CREB5: variants seen among roughly 807,000 people sequenced by gnomAD.
CREB5 encodes cyclic AMP-responsive element-binding protein 5.
Under a neutral mutation model 57.1 loss-of-function variants are expected in CREB5, and 19 were observed. The observed-to-expected ratio is 0.33, with a 90% CI of 0.23 to 0.49. CREB5 has a LOEUF of 0.49. Among genes scored for constraint, CREB5 ranks in the 20% least tolerant of loss-of-function variants. CREB5 has a pLI of 0.99. For missense variants in CREB5, 579 were observed against 671.6 expected (o/e 0.86, Z 1.52); for synonymous variants, 238 against 238.3 (o/e 1.00, Z 0.01).
chr7:28,648,182 G>A (rs986700121), intron 5 of CREB5, among the ~76,000 whole-genome samples: 5 of 152,136 alleles, frequency 3.3e-5, no homozygotes, highest in Admixed American at 1.3e-4. Context: ...AGGGTATAGA[G>A]ACTGTCATTC....
At chr7:28,586,354 A>G (rs2128660709) in intron 5 of CREB5, among the ~76,000 whole-genome samples, 1 of 152,328 alleles carries the variant, frequency 6.6e-6, no homozygotes, top group South Asian at 2.1e-4. Flanking sequence ...GGAGGGGCCC[A>G]GGGTGTTCTT....
At chr7:28,414,343 A>C (rs1259158446) in intron 1 of CREB5, among the ~76,000 whole-genome samples, 1 of 151,874 alleles carries the variant, frequency 6.6e-6, no homozygotes, top group Non-Finnish European at 1.5e-5. Context: ...GATCTCAGTC[A>C]ATTCATTATC....
At chr7:28,606,698 A>G (rs947325557) in intron 5 of CREB5, among the ~76,000 whole-genome samples, 1 of 152,228 alleles carries the variant, frequency 6.6e-6, no homozygotes, top group African/African-American at 2.4e-5. Flanking sequence ...TACTCATACA[A>G]GATTGTCAGA....
intron 5 of CREB5, among the ~76,000 whole-genome samples, chr7:28,651,015 T>C (rs561435410): frequency 2.4e-4 from 36 of 152,236 alleles, no homozygotes; most frequent in African/African-American, 8.7e-4. Flanking sequence ...CAATCCAACA[T>C]TGGCAGTGGT....
Position 28,637,249 on chromosome 7 carries a change from A to G in CREB5, c.464+66712A>G, listed in dbSNP as rs574276147. Among the ~76,000 whole-genome samples the G allele has an allele frequency of 5.9e-5, 9 of 152,314 alleles. No homozygotes were observed. The East Asian group carries it at 1.7e-3, about 29-fold the overall frequency. On this transcript the variant is annotated intron_variant, in intron 5 of 10. Transcript: ENST00000357727. ...CATAATTCATATTATAATTCAAATT[A>G]TGTCTAGCTTCAGTAGTGAAGATAG...
intron 1 of CREB5, among the ~76,000 whole-genome samples, chr7:28,392,176 A>T (rs1408153157): frequency 6.6e-6 from 1 of 152,212 alleles, no homozygotes; most frequent in African/African-American, 2.4e-5. Context: ...GTTGGGTACT[A>T]GGCTTAGTAT....
Position 28,664,077 on chromosome 7 carries a change from A to G in CREB5, c.465-54676A>G, listed in dbSNP as rs193104327. ...TGCATTTCTAGCAAGTCCTTAGGTG[A>G]TGCTGATGCTGCTGGTCCCAGGACT... On this transcript the variant is annotated intron_variant, in intron 5 of 10. Coordinates refer to ENST00000357727, the MANE Select transcript of CREB5 (RefSeq NM_182898.4). 3.0e-4 allele frequency among the ~76,000 whole-genome samples: 46 copies of G among 152,364 alleles called. No homozygotes were observed. In the East Asian group the frequency reaches 8.3e-3, roughly 27 times the overall value.
At chr7:28,595,899 G>A (rs758581495) in intron 5 of CREB5, among the ~76,000 whole-genome samples, 6 of 152,124 alleles carry the variant, frequency 3.9e-5, no homozygotes, top group African/African-American at 4.8e-5. Flanking sequence ...TCTTAACCTC[G>A]GCAGACAGAT....
chr7:28,467,070 C>T (rs1790611728), intron 1 of CREB5, among the ~76,000 whole-genome samples: 1 of 152,176 alleles, frequency 6.6e-6, no homozygotes, highest in African/African-American at 2.4e-5. Context: ...AGAGGGGCTG[C>T]CTGTCAAGTG....
intron 1 of CREB5, among the ~76,000 whole-genome samples, chr7:28,438,029 C>T (rs1376903816): frequency 2.0e-5 from 3 of 152,044 alleles, no homozygotes; most frequent in Non-Finnish European, 2.9e-5. Context: ...CATTTGTGGT[C>T]GGGATGCATC....
rs190288205 is a variant in CREB5 at position 28,821,171 on chromosome 7, A to C, written c.*1892A>C. 130 of 148,136 alleles carry C rather than the reference A, an allele frequency of 8.8e-4. 1 individual carries two copies. Among genetic ancestry groups the C allele is most frequent in the African/African-American group, 3.1e-3 (123 of 39,806 alleles). The allele number at this position is 148,136 out of a possible 1,614,324, so 9.2% of individuals were successfully genotyped here. ...GTGTGTGTGTGTGTTCATGGGTTTT[A>C]AAAGAACAGTATTTTACAAAAGGTG... On this transcript the variant is annotated 3_prime_UTR_variant, in exon 11 of 11. Transcript: ENST00000357727.
intron 4 of CREB5, among the ~76,000 whole-genome samples, chr7:28,548,908 T>A (rs1430196246): frequency 2.0e-5 from 3 of 152,228 alleles, no homozygotes; most frequent in Non-Finnish European, 2.9e-5. Flanking sequence ...ACCATACTAT[T>A]CTGCTTATTA....
chr7:28,733,927 C>T (rs529662859), intron 7 of CREB5, among the ~76,000 whole-genome samples: 1 of 152,146 alleles, frequency 6.6e-6, no homozygotes, highest in Non-Finnish European at 1.5e-5. Context: ...TAATTTAATT[C>T]TACCATTTAA....
chr7:28,299,697 C>T (rs1785067125), intron 1 of CREB5, among the ~76,000 whole-genome samples: 1 of 152,178 alleles, frequency 6.6e-6, no homozygotes, highest in African/African-American at 2.4e-5. Context: ...TACCTGAAAA[C>T]CTTAGGAAGT....
intron 5 of CREB5, among the ~76,000 whole-genome samples, chr7:28,714,616 G>A (rs1026896530): frequency 1.1e-4 from 17 of 152,200 alleles, no homozygotes; most frequent in African/African-American, 3.9e-4. Context: ...ACATGAAATC[G>A]CTTGCTGCGG....
At chr7:28,430,282 C>A (rs1479044316) in intron 1 of CREB5, among the ~76,000 whole-genome samples, 1 of 152,184 alleles carries the variant, frequency 6.6e-6, no homozygotes, top group Non-Finnish European at 1.5e-5. Flanking sequence ...ATCCACTCCA[C>A]GAATGTGTAT....
intron 5 of CREB5, among the ~76,000 whole-genome samples, chr7:28,570,889 C>T (rs56384174): frequency 0.1 from 15,958 of 152,094 alleles, 1,120 homozygotes; most frequent in Middle Eastern, 0.21. Flanking sequence ...GTTCTACCAG[C>T]TCAGCCTTGT....
At chr7:28,459,876 A>G (rs1412195454) in intron 1 of CREB5, among the ~76,000 whole-genome samples, 2 of 152,214 alleles carry the variant, frequency 1.3e-5, no homozygotes, top group Admixed American at 6.5e-5. Flanking sequence ...TCCTTACCAC[A>G]GTCTTACAAA....
chr7:28,488,823 T>C (rs914962943), intron 2 of CREB5, among the ~76,000 whole-genome samples: 8 of 152,192 alleles, frequency 5.3e-5, no homozygotes, highest in Non-Finnish European at 1.2e-4. Flanking sequence ...GTGGAATTAG[T>C]GTGGGAATTC....
Sources: gnomAD v4.1 joint callset for allele counts (sites outside exome capture counted in the v4.1 genomes callset) on GRCh38, gnomAD v4.1.1 for gene constraint, MANE v1.5 for transcripts, NCBI Gene and HGNC (gene_info 2026-07-23, HGNC 2026-07-21) for gene names.